The following HR variants were observed in gnomAD, a reference collection of about 807,000 sequenced individuals.
The protein encoded by HR is HR lysine demethylase and nuclear receptor corepressor.
HR carries 83 observed loss-of-function variants against 128.6 expected under a neutral mutation model. The ratio of observed to expected loss-of-function variants is 0.65; its 90% CI spans 0.54 to 0.77. The LOEUF (loss-of-function observed/expected upper bound fraction) is 0.77, where lower values mean the gene tolerates loss of function less well. HR is among the 30% of genes least tolerant of loss of function. HR has a pLI of 0.00. For synonymous variants in HR, 681 were observed against 658.2 expected, an observed-to-expected ratio of 1.03 and a Z score of -0.53; for missense variants, 1,490 against 1,574.6, an observed-to-expected ratio of 0.95 and a Z score of 0.91.
chr8:22,128,214 C>A, intron 2 of HR: 1 of 516,090 alleles, frequency 1.9e-6, no homozygotes. Flanking sequence ...ATGGGGTCCC[C>A]TGCACATCCC....
intron 8 of HR, 136 bp downstream of exon 8, chr8:22,122,356 TC>T: frequency 1.5e-6 from 1 of 653,058 alleles, no homozygotes; most frequent in South Asian, 1.8e-5. Flanking sequence ...TGGCTCCTGA[TC>T]CCCAAGGTGG....
chr8:22,120,676 G>T (rs2131755075), intron 11 of HR, 40 bp downstream of exon 11: 1 of 1,514,888 alleles, frequency 6.6e-7, no homozygotes, highest in South Asian at 1.2e-5. Context: ...GGGGCAGGTG[G>T]GGTGGCCAGG....
rs1386322902 is a variant in HR at position 22,115,492 on chromosome 8, C to T, written c.*208G>A. On this transcript the variant is annotated 3_prime_UTR_variant, in exon 19 of 19. Coordinates refer to ENST00000381418, the MANE Select transcript of HR (RefSeq NM_005144.5). ...GGCACAGGGTGGGGGAGATGCCAGCCTGAGAAGGACAGGTGTGAGCTTGGT... is the reference window on the plus strand; with the variant it reads ...GGCACAGGGTGGGGGAGATGCCAGCTTGAGAAGGACAGGTGTGAGCTTGGT... The T allele has an allele frequency of 1.6e-6, 1 of 630,524 alleles. No individual in the cohort carries two copies. Among genetic ancestry groups the T allele is most frequent in the Non-Finnish European group, 2.9e-6 (1 of 346,454 alleles). 39.1% of individuals were successfully genotyped at this position (630,524 alleles called of 1,614,324 possible).
At position 22,130,450 on chromosome 8, in the gene HR, G is replaced by T. The variant is rs1015699373; in HGVS notation, c.-63C>A. ...TACCTGGGCTTCACCGGCCGGTCGC[G>T]GCGCGGGCGGTGGCGGTCGTCGTGG... On this transcript the variant is annotated 5_prime_UTR_variant, in exon 1 of 19. Transcript: ENST00000381418. 6.6e-6 allele frequency: 1 copy of T among 152,222 alleles called. No homozygotes were observed. The highest frequency in any genetic ancestry group is 1.5e-5 in the Non-Finnish European group (1 of 68,044). 9.4% of individuals were successfully genotyped at this position (152,222 alleles called of 1,614,324 possible). A position where few individuals can be genotyped will look rare whatever the true frequency, so the allele number is the denominator to read the frequency against.
In HR at chr8:22,127,394, C is replaced by G. The variant is rs1256411228; in HGVS notation, c.1048G>C (p.Gly350Arg). The stretch of plus-strand genomic sequence containing the variant: ...GGTTCGCTGGCTCCACTGGCACCCC[C>G]CTCCAGGCCCTCCTGGCACTTCCCA... Reference protein sequence around the residue: ...PCGKCQEGLEGGASGASEPSE... With the variant: ...PCGKCQEGLERGASGASEPSE... Residue 350 changes from glycine (G) to arginine (R), a missense_variant, in exon 3 of 19, where the codon GGG (glycine) becomes CGG (arginine). Transcript: ENST00000381418. 5 of 1,613,210 alleles carry G rather than the reference C, an allele frequency of 3.1e-6. No homozygotes were observed. The highest frequency in any genetic ancestry group is 1.3e-5 in the African/African-American group (1 of 74,922).
intron 16 of HR, chr8:22,118,583 C>G (rs1826649899): frequency 6.6e-6 from 2 of 304,898 alleles, no homozygotes; most frequent in Non-Finnish European, 1.3e-5. Context: ...TGCCACTGAG[C>G]TTCGGTGTTC....
Position 22,128,753 on chromosome 8 carries a change from G to A in HR, c.418C>T (p.Pro140Ser). 6.2e-7 allele frequency: 1 copy of A among 1,600,844 alleles called. No homozygotes were observed. Among genetic ancestry groups the A allele is most frequent in the East Asian group, 2.2e-5 (1 of 44,492 alleles). Reference protein sequence around the residue: ...HLKSDPVAFRPWHCPFLLETK... With the variant: ...HLKSDPVAFRSWHCPFLLETK... ...TCCAGAAGGAAAGGGCAGTGCCAGGGCCGGAAGGCCACAGGGTCACTCTTG... is the reference window on the plus strand; with the variant it reads ...TCCAGAAGGAAAGGGCAGTGCCAGGACCGGAAGGCCACAGGGTCACTCTTG... The change falls in exon 2 of 19, where the codon CCC becomes TCC. Residue 140 changes from proline (P) to serine (S), a missense_variant. Physicochemically the swap from Pro to Ser is moderately conservative, Grantham distance 74 (BLOSUM62 -1). Transcript: ENST00000381418.
chr8:22,118,885 G>A, intron 16 of HR, 65 bp downstream of exon 16: 1 of 1,387,338 alleles, frequency 7.2e-7, no homozygotes, highest in Non-Finnish European at 1.0e-6. Flanking sequence ...GCACACTGGG[G>A]TGGGACTGGA....
chr8:22,116,240 G>A lies in HR; in HGVS notation c.3507+60C>T, dbSNP rs890270683. The A allele has an allele frequency of 2.5e-6, 4 of 1,609,600 alleles. No homozygotes were observed. The African/African-American group carries it at 5.4e-5, about 22-fold the overall frequency. On this transcript the variant is annotated intron_variant, in intron 18 of 18. Coordinates refer to ENST00000381418, the MANE Select transcript of HR (RefSeq NM_005144.5). This position sits in a 1 kb window ranked among gnomAD's most constrained non-coding sequence, Gnocchi z 4.2. ...ATCTGCTATGTCCACTGCAGCTGTG[G>A]CACAGGGAGGTGGGAGGCTTGGGTA...
intron 2 of HR, 105 bp from the exon 3 acceptor site, chr8:22,127,934 C>A: frequency 8.6e-7 from 1 of 1,159,570 alleles, no homozygotes. Flanking sequence ...TACTGAAGCC[C>A]TCACATTCTG....
rs185853861 is a variant in HR at position 22,114,550 on chromosome 8, G to A, written c.*1150C>T. The A allele has an allele frequency of 2.6e-4, 40 of 153,106 alleles. No homozygotes were observed. Among genetic ancestry groups the A allele is most frequent in the East Asian group, 7.7e-4 (4 of 5,216 alleles). The allele number at this position is 153,106 out of a possible 1,614,324, so 9.5% of individuals were successfully genotyped here. A position where few individuals can be genotyped will look rare whatever the true frequency, so the allele number is the denominator to read the frequency against. The stretch of plus-strand genomic sequence containing the variant: ...ATACACAAAGGAAGCGGGAGAGGGC[G>A]GAGCGCCACCAGGAGGCTGCGGGCG... On this transcript the variant is annotated 3_prime_UTR_variant, in exon 19 of 19. Coordinates refer to ENST00000381418, the MANE Select transcript of HR (RefSeq NM_005144.5).
chr8:22,123,528 G>T, intron 6 of HR, 121 bp downstream of exon 6: 1 of 947,950 alleles, frequency 1.1e-6, no homozygotes, highest in Non-Finnish European at 1.6e-6. Flanking sequence ...GGTGGCTGAG[G>T]CTGGGGCTGT....
Position 22,130,846 on chromosome 8 carries a change from C to G in HR, c.-459G>C, listed in dbSNP as rs1227563086. The G allele has an allele frequency of 6.6e-6, 1 of 152,206 alleles. No individual in the cohort carries two copies. Among genetic ancestry groups the G allele is most frequent in the African/African-American group, 2.4e-5 (1 of 41,394 alleles). 9.4% of individuals were successfully genotyped at this position (152,206 alleles called of 1,614,324 possible). A position where few individuals can be genotyped will look rare whatever the true frequency, so the allele number is the denominator to read the frequency against. ...GGAGATGGCCGAGTTGGGGGAAAGG[C>G]CGAGGGGCCGGGGAAGGGGGTCGTG... On this transcript the variant is annotated 5_prime_UTR_variant, in exon 1 of 19. Transcript: ENST00000381418.
Position 22,119,240 on chromosome 8 carries a change from A to G in HR, c.3021T>C (p.Cys1007=). ...HRGHLGTKNL[C]VEVADLVSIL... is the part of the protein sequence containing the mutation. ...TGCTGACCAGGTCGGCCACCTCCAC[A>G]CAGAGGTTCTTGGTCCCCAGGTGTC... is the stretch of plus-strand genomic sequence containing the variant. The change falls in exon 15 of 19, where the codon TGT becomes TGC. Residue 1007 remains cysteine, a synonymous_variant. Coordinates refer to ENST00000381418, the MANE Select transcript of HR (RefSeq NM_005144.5). The G allele has an allele frequency of 1.2e-6, 2 of 1,613,810 alleles. No homozygotes were observed. Among genetic ancestry groups the G allele is most frequent in the Non-Finnish European group, 1.7e-6 (2 of 1,180,018 alleles).
At position 22,127,086 on chromosome 8, in the gene HR, T is replaced by C. The variant is rs762346786; in HGVS notation, c.1356A>G (p.Thr452=). 62 of 1,611,904 alleles carry C rather than the reference T, an allele frequency of 3.8e-5. No individual in the cohort carries two copies. The highest frequency in any genetic ancestry group is 4.7e-5 in the Non-Finnish European group (56 of 1,179,514). ...AGTCCACATCCTTGTTCCCTATCGA[T>C]GTGTCCCGCACCTCCTGCCAACCCC... ...GAGGWQEVRD[T]SIGNKDVDSG... Residue 452 remains threonine, a synonymous_variant, in exon 3 of 19, where the codon ACA becomes ACG. Coordinates refer to ENST00000381418, the MANE Select transcript of HR (RefSeq NM_005144.5).
Position 22,128,829 on chromosome 8 carries a change from C to A in HR, c.342G>T (p.Ala114=), listed in dbSNP as rs780238003. 1 of 1,613,326 alleles carries A rather than the reference C, an allele frequency of 6.2e-7. No homozygotes were observed. Among genetic ancestry groups the A allele is most frequent in the Non-Finnish European group, 8.5e-7 (1 of 1,179,982 alleles). ...TCAGGGGGCCACAGCGAGGTGGGCA[C>A]GCTGGCCCGCAGAATGCCAGCGGAT... The part of the protein sequence containing the change: ...LTHPLAFCGP[A]CPPRCGPLMP... The change falls in exon 2 of 19, where the codon GCG becomes GCT. Residue 114 remains alanine, a synonymous_variant. Transcript: ENST00000381418.
rs1826743257 is a variant in HR at position 22,121,199 on chromosome 8, C to T, written c.2233G>A (p.Glu745Lys). The T allele has an allele frequency of 6.2e-7, 1 of 1,613,784 alleles. No individual in the cohort carries two copies. Among genetic ancestry groups the T allele is most frequent in the South Asian group, 1.1e-5 (1 of 91,090 alleles). ...AGGGGCCCTCGGCCAGCACGGTCCT[C>T]TGCTGGGGTCTCAGCGGAATCGGGG... ...ETPDSAETPA[E>K]DRAGRGPLPC... Residue 745 changes from glutamate (E) to lysine (K), a missense_variant, in exon 10 of 19, where the codon GAG becomes AAG. This residue lies in a region of HR where 1,060 missense variants were observed against 1,060.9 expected (regional missense o/e 1.00). Coordinates refer to ENST00000381418, the MANE Select transcript of HR (RefSeq NM_005144.5).
At position 22,120,819 on chromosome 8, in the gene HR, C is replaced by A. The variant is rs201739936; in HGVS notation, c.2507G>T (p.Arg836Leu). ...KGLGLPLSPVRPRLPPPGALL... is the reference protein window; with the variant it reads ...KGLGLPLSPVLPRLPPPGALL... ...AGCCCCTGGGGGAGGCAGCCGGGGC[C>A]GCACTGGAGAGAGGGGCAGGCCCAG... Residue 836 changes from arginine (R) to leucine (L), a missense_variant, in exon 11 of 19, where the codon CGG becomes CTG. Arg to Leu is a moderately radical substitution (Grantham distance 102). Transcript: ENST00000381418. The A allele has an allele frequency of 1.4e-3, 2,196 of 1,548,622 alleles. 2 individuals are homozygous for A. The highest frequency in any genetic ancestry group is 1.7e-3 in the Non-Finnish European group (1,937 of 1,145,292).
rs1285091076 is a variant in HR at position 22,127,179 on chromosome 8, T to A, written c.1263A>T (p.Gly421=). The A allele has an allele frequency of 6.2e-7, 1 of 1,612,904 alleles. No individual in the cohort carries two copies. The highest frequency in any genetic ancestry group is 8.5e-7 in the Non-Finnish European group (1 of 1,179,996). ...LKRAGSPEVQ[G]AMGSPAPKRP... Reference sequence around the variant, plus strand: ...GCTTGGGGGCTGGACTGCCCATTGCTCCCTGGACCTCGGGGCTGCCTGCCC... The same window carrying A: ...GCTTGGGGGCTGGACTGCCCATTGCACCCTGGACCTCGGGGCTGCCTGCCC... The change falls in exon 3 of 19, where the codon GGA becomes GGT. Residue 421 remains glycine, a synonymous_variant. Coordinates refer to ENST00000381418, the MANE Select transcript of HR (RefSeq NM_005144.5).
Sources: allele counts gnomAD v4.1 joint callset, GRCh38; gene constraint gnomAD v4.1.1; regional missense constraint gnomAD v4.1.1; non-coding constraint Gnocchi (gnomAD v3.1); transcripts MANE v1.5; gene names NCBI Gene and HGNC (gene_info 2026-07-23, HGNC 2026-07-21).